Variants in SLC26A7 observed in about 807,000 individuals in gnomAD.
The protein encoded by SLC26A7 is anion exchange transporter.
SLC26A7 carries 59 observed loss-of-function variants against 82.5 expected under a neutral mutation model. That is an observed-to-expected ratio of 0.72 (90% CI 0.58 to 0.89). SLC26A7 has a LOEUF of 0.89. SLC26A7 is among the 40% of genes least tolerant of loss of function. The pLI is 0.00. For synonymous variants in SLC26A7, 271 were observed against 274.3 expected (o/e 0.99, Z 0.12); for missense variants, 820 against 793.0 (o/e 1.03, Z -0.41).
intron 4 of SLC26A7, among the ~76,000 whole-genome samples, chr8:91,306,257 C>T (rs1267223817): frequency 6.6e-6 from 1 of 152,162 alleles, no homozygotes. Context: ...CCTTTTCCCT[C>T]TGAAATCCAG....
chr8:91,240,346 A>T (rs1288410063), intron 2 of SLC26A7, among the ~76,000 whole-genome samples: 1 of 152,194 alleles, frequency 6.6e-6, no homozygotes, highest in Non-Finnish European at 1.5e-5. Context: ...ACTTTGAAAC[A>T]TCTAGAGTAA....
chr8:91,272,287 AC>A (rs1811293560), intron 2 of SLC26A7, among the ~76,000 whole-genome samples: 2 of 152,098 alleles, frequency 1.3e-5, no homozygotes, highest in African/African-American at 4.8e-5. Context: ...CATGGAAGAG[AC>A]CCTGGTACTT....
intron 2 of SLC26A7, among the ~76,000 whole-genome samples, chr8:91,253,437 GAAGTCAT>G (rs1338556030): frequency 2.0e-5 from 3 of 151,818 alleles, no homozygotes; most frequent in Non-Finnish European, 2.9e-5. Context: ...CTGAACTATT[GAAGTCAT>G]CATCTTGTGG....
intron 2 of SLC26A7, among the ~76,000 whole-genome samples, chr8:91,267,383 G>T (rs1227771547): frequency 6.6e-6 from 1 of 151,900 alleles, no homozygotes; most frequent in African/African-American, 2.4e-5. Flanking sequence ...GAAGCCATCA[G>T]ATTCTTGGCT....
chr8:91,253,254 T>C (rs1810707907), intron 2 of SLC26A7, among the ~76,000 whole-genome samples: 1 of 152,086 alleles, frequency 6.6e-6, no homozygotes, highest in South Asian at 2.1e-4. Context: ...GCCCTCACTT[T>C]TATACTAGAC....
At chr8:91,233,783 T>C (rs1045206774) in intron 2 of SLC26A7, among the ~76,000 whole-genome samples, 1 of 152,176 alleles carries the variant, frequency 6.6e-6, no homozygotes, top group African/African-American at 2.4e-5. Context: ...GCTTTGGTCA[T>C]AGAGTCCTCC....
chr8:91,247,574 A>C (rs1357409247), upstream of SLC26A7, among the ~76,000 whole-genome samples: 1 of 152,190 alleles, frequency 6.6e-6, no homozygotes, highest in Non-Finnish European at 1.5e-5. Context: ...TTTTTAGGAA[A>C]GATTCATTCT....
upstream of SLC26A7, among the ~76,000 whole-genome samples, chr8:91,247,082 GAGA>G: frequency 6.6e-6 from 1 of 152,322 alleles, no homozygotes; most frequent in East Asian, 1.9e-4. Flanking sequence ...AAGGGGAGCA[GAGA>G]AGGACTGCAT....
At chr8:91,244,248 C>T (rs2130688722) in intron 2 of SLC26A7, among the ~76,000 whole-genome samples, 1 of 152,238 alleles carries the variant, frequency 6.6e-6, no homozygotes, top group Admixed American at 6.5e-5. Flanking sequence ...TGAGACAAGG[C>T]TTTTATTAAT....
At chr8:91,391,579 G>T (rs1287334850) in intron 16 of SLC26A7, among the ~76,000 whole-genome samples, 1 of 152,024 alleles carries the variant, frequency 6.6e-6, no homozygotes, top group Non-Finnish European at 1.5e-5. Context: ...TAAACACATG[G>T]TTCCTCTTCA....
intron 1 of SLC26A7, among the ~76,000 whole-genome samples, chr8:91,216,161 A>G (rs1045323013): frequency 6.6e-6 from 1 of 152,192 alleles, no homozygotes; most frequent in Non-Finnish European, 1.5e-5. Context: ...TAAAACTAAC[A>G]ACGGGCATTT....
Position 91,366,532 on chromosome 8 carries a change from C to A in SLC26A7, c.1489-48C>A, listed in dbSNP as rs757143833. 3.2e-6 allele frequency: 5 copies of A among 1,584,788 alleles called. No homozygotes were observed. In the East Asian group the frequency reaches 9.0e-5, roughly 28 times the overall value. ...ACATTTAGATCTGATTGTTTATTGG[C>A]TATAATTTTCTATTTAGAGTTCTGA... On this transcript the variant is annotated intron_variant, in intron 13 of 18. Transcript: ENST00000276609.
chr8:91,276,558 T>G (rs1214217589), intron 2 of SLC26A7, among the ~76,000 whole-genome samples: 1 of 152,166 alleles, frequency 6.6e-6, no homozygotes, highest in African/African-American at 2.4e-5. Context: ...GTAGCCAAGA[T>G]TATTTCTTCT....
intron 3 of SLC26A7, among the ~76,000 whole-genome samples, chr8:91,291,688 A>G (rs1811873500): frequency 6.6e-6 from 1 of 152,248 alleles, no homozygotes; most frequent in Admixed American, 6.5e-5. Flanking sequence ...TAAACATTTT[A>G]CAGATATTTA....
chr8:91,335,806 T>G (rs928088321), intron 6 of SLC26A7, among the ~76,000 whole-genome samples: 1 of 152,202 alleles, frequency 6.6e-6, no homozygotes, highest in African/African-American at 2.4e-5. Context: ...CAAACATCCC[T>G]TAGTGATGAC....
At chr8:91,390,164 G>GCC (rs1814919343) in intron 16 of SLC26A7, among the ~76,000 whole-genome samples, 1 of 149,454 alleles carries the variant, frequency 6.7e-6, no homozygotes, top group Non-Finnish European at 1.5e-5. Flanking sequence ...AGGCTGGAGT[G>GCC]CAGTGGCGCG....
chr8:91,282,778 T>C (rs1367514195), intron 2 of SLC26A7, among the ~76,000 whole-genome samples: 1 of 152,224 alleles, frequency 6.6e-6, no homozygotes, highest in African/African-American at 2.4e-5. Context: ...CTTTGTCACA[T>C]GTGTCCTTTT....
intron 11 of SLC26A7, among the ~76,000 whole-genome samples, chr8:91,354,997 T>C (rs1481854686): frequency 6.6e-6 from 1 of 152,150 alleles, no homozygotes; most frequent in Non-Finnish European, 1.5e-5. Flanking sequence ...TCATGTGTTT[T>C]GTATTCCTTG....
In SLC26A7 at chr8:91,279,800, C is replaced by T. The variant is rs1039908941; in HGVS notation, c.194-9336C>T. On this transcript the variant is annotated intron_variant, in intron 2 of 18. Coordinates refer to ENST00000276609, the MANE Select transcript of SLC26A7 (RefSeq NM_052832.4). ...GGTCTCGATCTCCTGACCTCGTGTG[C>T]ACCCGCCTCGGCCTCCCAAAGTGCT... Among the ~76,000 whole-genome samples, 3 of 152,224 alleles carry T rather than the reference C, an allele frequency of 2.0e-5. No homozygotes were observed. The East Asian group carries it at 5.8e-4, about 29-fold the overall frequency.
Sources: gnomAD v4.1 joint callset for allele counts (sites outside exome capture counted in the v4.1 genomes callset) on GRCh38, gnomAD v4.1.1 for gene constraint, MANE v1.5 for transcripts, NCBI Gene and HGNC (gene_info 2026-07-23, HGNC 2026-07-21) for gene names.